The following NIBAN1 variants were observed in gnomAD, a reference collection of about 807,000 sequenced individuals.
NIBAN1 encodes the protein niban apoptosis regulator 1.
Under a neutral mutation model 75.1 loss-of-function variants are expected in NIBAN1, and 81 were observed. That is an observed-to-expected ratio of 1.08 (90% CI 0.90 to 1.30). The LOEUF (loss-of-function observed/expected upper bound fraction) is 1.30. Among genes scored for constraint, NIBAN1 ranks in the 50% most tolerant of loss-of-function variants. NIBAN1 has a pLI of 0.00. For synonymous variants in NIBAN1, 436 were observed against 424.8 expected, an observed-to-expected ratio of 1.03 and a Z score of -0.32; for missense variants, 1,133 against 1,128.1, an observed-to-expected ratio of 1.00 and a Z score of -0.06.
chr1:184,892,063 A>C (rs1029515117), intron 3 of NIBAN1, among the ~76,000 whole-genome samples: 4 of 152,236 alleles, frequency 2.6e-5, no homozygotes, highest in Non-Finnish European at 5.9e-5. Flanking sequence ...AAACACCAAC[A>C]TTTGATTCAA....
At chr1:184,864,982 A>G (rs952838158) in intron 5 of NIBAN1, among the ~76,000 whole-genome samples, 3 of 151,088 alleles carry the variant, frequency 2.0e-5, no homozygotes, top group Non-Finnish European at 2.9e-5. Context: ...ATAAAACTAA[A>G]GAGGTCAAAA....
chr1:184,877,415 G>GA (rs1434100089), intron 5 of NIBAN1, among the ~76,000 whole-genome samples: 4 of 152,128 alleles, frequency 2.6e-5, no homozygotes, highest in Admixed American at 2.6e-4. Flanking sequence ...CAGAGGTAAC[G>GA]ATAACGTTCT....
At chr1:184,865,985 A>G (rs1655945932) in intron 5 of NIBAN1, among the ~76,000 whole-genome samples, 1 of 152,176 alleles carries the variant, frequency 6.6e-6, no homozygotes, top group African/African-American at 2.4e-5. Context: ...GGAATGCTTT[A>G]TTAACTATTC....
chr1:184,830,399 C>T (rs902732839), intron 6 of NIBAN1, among the ~76,000 whole-genome samples: 39 of 152,104 alleles, frequency 2.6e-4, no homozygotes, highest in African/African-American at 8.0e-4. Flanking sequence ...AATGGCTGTG[C>T]TTCCCCAAAA....
chr1:184,973,378 C>A (rs1658986260), intron 1 of NIBAN1, among the ~76,000 whole-genome samples: 1 of 151,882 alleles, frequency 6.6e-6, no homozygotes, highest in Non-Finnish European at 1.5e-5. Flanking sequence ...CCAAATAAAC[C>A]TAGAGTTTAA....
intron 5 of NIBAN1, among the ~76,000 whole-genome samples, chr1:184,836,280 T>C (rs1435276457): frequency 6.6e-6 from 1 of 152,138 alleles, no homozygotes; most frequent in Non-Finnish European, 1.5e-5. Flanking sequence ...TTAACAGCTG[T>C]TTTCATTTTC....
intron 5 of NIBAN1, among the ~76,000 whole-genome samples, chr1:184,839,475 C>T (rs926591510): frequency 6.6e-6 from 1 of 151,968 alleles, no homozygotes; most frequent in Non-Finnish European, 1.5e-5. Context: ...TACGATATAC[C>T]ACAACCATGA....
rs1261415518 is a variant in NIBAN1 at position 184,894,062 on chromosome 1, A to G, written c.318+13T>C. 2 of 1,589,670 alleles carry G rather than the reference A, an allele frequency of 1.3e-6. No individual in the cohort carries two copies. The highest frequency in any genetic ancestry group is 2.2e-5 in the East Asian group (1 of 44,488). ...ACAGTGTAAGAATCAGTAGTAACAA[A>G]GAAGTGTCTTACCTCTTTATTCTCA... is the stretch of plus-strand genomic sequence containing the variant. On this transcript the variant is annotated intron_variant, in intron 3 of 13. Transcript: ENST00000367511.
intron 5 of NIBAN1, among the ~76,000 whole-genome samples, chr1:184,877,987 G>A (rs1034861535): frequency 1.3e-5 from 2 of 151,358 alleles, no homozygotes; most frequent in Admixed American, 6.6e-5. Context: ...TTGTCATCCT[G>A]AACTATCATA....
intron 9 of NIBAN1, 140 bp from the exon 10 acceptor site, chr1:184,808,375 C>T: frequency 1.2e-6 from 1 of 822,866 alleles, no homozygotes; most frequent in Non-Finnish European, 1.8e-6. Context: ...ACATCTGTGA[C>T]ACCTTCAACT....
At position 184,795,314 on chromosome 1, in the gene NIBAN1, C is replaced by T. The variant is rs781687954; in HGVS notation, c.2450G>A (p.Gly817Glu). 1 of 1,611,814 alleles carries T rather than the reference C, an allele frequency of 6.2e-7. No individual in the cohort carries two copies. The highest frequency in any genetic ancestry group is 1.7e-5 in the Admixed American group (1 of 60,000). Residue 817 changes from glycine to glutamate, a missense_variant, in exon 14 of 14, where the codon GGA (glycine) becomes GAA (glutamate). Gly to Glu is a moderately conservative substitution (Grantham distance 98, BLOSUM62 -2). Transcript: ENST00000367511. ...ATGGGCAGTGAGTGTGCAGGCCTCT[C>T]CTGGGAGCTCCCCCTCCATGGGCCC... ...PLGPMEGELP[G>E]EACTLTAHEG... is the part of the protein sequence containing the mutation.
chr1:184,955,930 C>T (rs796487953), intron 1 of NIBAN1, among the ~76,000 whole-genome samples: 1 of 152,148 alleles, frequency 6.6e-6, no homozygotes, highest in Non-Finnish European at 1.5e-5. Flanking sequence ...TCTATCTGCC[C>T]TTATCTGCAG....
chr1:184,972,828 C>T (rs1237494582), intron 1 of NIBAN1, among the ~76,000 whole-genome samples: 2 of 152,232 alleles, frequency 1.3e-5, no homozygotes, highest in East Asian at 3.8e-4. Flanking sequence ...CTTCTTTAAG[C>T]ATGTTAATCC....
At chr1:184,827,523 C>A (rs1654873113) in intron 6 of NIBAN1, among the ~76,000 whole-genome samples, 1 of 143,532 alleles carries the variant, frequency 7.0e-6, no homozygotes, top group African/African-American at 2.6e-5. Context: ...GAACAGTATC[C>A]ACTGAATTTT....
chr1:184,868,458 G>C (rs903396863), intron 5 of NIBAN1: 1 of 152,154 alleles, frequency 6.6e-6, no homozygotes, highest in Admixed American at 6.5e-5. Context: ...ATTATTCTCA[G>C]CTGTACATTT....
At chr1:184,850,775 A>G (rs1655520692) in intron 5 of NIBAN1, among the ~76,000 whole-genome samples, 1 of 18,240 alleles carries the variant, frequency 5.5e-5, no homozygotes, top group Non-Finnish European at 9.2e-5. Context: ...ACTCAAACAA[A>G]TTTACAAGAA....
At chr1:184,952,875 T>C (rs1167046598) in intron 1 of NIBAN1, among the ~76,000 whole-genome samples, 1 of 152,170 alleles carries the variant, frequency 6.6e-6, no homozygotes, top group Non-Finnish European at 1.5e-5. Flanking sequence ...CTACACCAAG[T>C]TCATGTACTT....
chr1:184,878,145 C>T (rs1050601165), intron 5 of NIBAN1, among the ~76,000 whole-genome samples: 1 of 152,132 alleles, frequency 6.6e-6, no homozygotes, highest in Non-Finnish European at 1.5e-5. Context: ...GGCAACACTG[C>T]TTTAGACAAC....
chr1:184,856,502 A>T (rs1452935671), intron 5 of NIBAN1, among the ~76,000 whole-genome samples: 3 of 152,218 alleles, frequency 2.0e-5, no homozygotes, highest in African/African-American at 7.2e-5. Context: ...ACACATTCAA[A>T]ACATGGGGAA....
Sources: gnomAD v4.1 joint callset for allele counts (sites outside exome capture counted in the v4.1 genomes callset) on GRCh38, gnomAD v4.1.1 for gene constraint, MANE v1.5 for transcripts, NCBI Gene and HGNC (gene_info 2026-07-23, HGNC 2026-07-21) for gene names.